The following MED15 variants were observed in gnomAD, a reference collection of about 807,000 sequenced individuals.
The protein encoded by MED15 is mediator of RNA polymerase II transcription subunit 15.
MED15 carries 41 observed loss-of-function variants against 118.7 expected under a neutral mutation model. That is an observed-to-expected ratio of 0.35 (90% CI 0.27 to 0.45). The LOEUF is 0.45. Among genes scored for constraint, MED15 ranks in the 20% least tolerant of loss-of-function variants. The pLI is 1.00. For synonymous variants in MED15, 436 were observed against 413.9 expected, an observed-to-expected ratio of 1.05 and a Z score of -0.65; for missense variants, 740 against 1,025.5, an observed-to-expected ratio of 0.72 and a Z score of 3.80.
At chr22:20,513,468 G>A (rs2054149100) in intron 1 of MED15, among the ~76,000 whole-genome samples, 1 of 151,834 alleles carries the variant, frequency 6.6e-6, no homozygotes, top group Non-Finnish European at 1.5e-5. Context: ...TAGTAGAGAC[G>A]GGGTTTCACC....
intron 2 of MED15, chr22:20,551,225 T>A: frequency 1.4e-6 from 1 of 698,304 alleles, no homozygotes. Flanking sequence ...TGTCCCCTTC[T>A]TGTTTCTTTG....
At position 20,584,978 on chromosome 22, in the gene MED15, G is replaced by A. The variant is rs753171383; in HGVS notation, c.1927G>A (p.Val643Ile). 2 of 1,613,958 alleles carry A rather than the reference G, an allele frequency of 1.2e-6. No homozygotes were observed. The highest frequency in any genetic ancestry group is 1.7e-6 in the Non-Finnish European group (2 of 1,180,020). ...CAACCATTCCCTGTACCGCACATTC[G>A]TTCCAGCCATGACCGCCATTCACGG... ...VFNHSLYRTF[V>I]PAMTAIHGPP... Residue 643 changes from valine (V) to isoleucine (I), a missense_variant, in exon 15 of 18, where the codon GTT (valine) becomes ATT (isoleucine). By Grantham distance (29) the Val-to-Ile change is conservative. This residue lies in a region of MED15 where 179 missense variants were observed against 259.0 expected (regional missense o/e 0.69). Coordinates refer to ENST00000263205, the MANE Select transcript of MED15 (RefSeq NM_001003891.3).
chr22:20,546,537 T>G (rs1478680906), intron 2 of MED15, among the ~76,000 whole-genome samples: 1 of 135,046 alleles, frequency 7.4e-6, no homozygotes, highest in African/African-American at 2.6e-5. Flanking sequence ...CAAGAAAGGT[T>G]TTCTTTCGTC....
intron 1 of MED15, among the ~76,000 whole-genome samples, chr22:20,512,811 C>T (rs901616808): frequency 8.8e-5 from 13 of 147,236 alleles, no homozygotes; most frequent in Non-Finnish European, 1.5e-4. Context: ...GGTGTGATCT[C>T]GGTTCCTTCA....
At position 20,583,174 on chromosome 22, in the gene MED15, G is replaced by A. The variant is rs1254970805; in HGVS notation, c.1599G>A (p.Leu533=). ...GCCAGGCTGAGGAGCAGCAGTACCT[G>A]GACAAGCTGAAGCAGCTGTCGAAGT... ...GSSQAEEQQY[L]DKLKQLSKYI... Residue 533 remains leucine, a synonymous_variant, in exon 12 of 18, where the codon CTG becomes CTA. Transcript: ENST00000263205. 3 of 1,610,764 alleles carry A rather than the reference G, an allele frequency of 1.9e-6. No individual in the cohort carries two copies. The highest frequency in any genetic ancestry group is 2.5e-6 in the Non-Finnish European group (3 of 1,179,044).
intron 1 of MED15, among the ~76,000 whole-genome samples, chr22:20,517,332 T>C (rs1456909618): frequency 6.6e-6 from 1 of 152,228 alleles, no homozygotes; most frequent in African/African-American, 2.4e-5. Flanking sequence ...TGTCTGCACC[T>C]GCCTGCCAGT....
rs2057167038 is a variant in MED15, at chr22:20,587,452, A to C, written c.*748A>C. 1 of 195,196 alleles carries C rather than the reference A, an allele frequency of 5.1e-6. No individual in the cohort carries two copies. Among genetic ancestry groups the C allele is most frequent in the Admixed American group, 5.4e-5 (1 of 18,554 alleles). The allele number at this position is 195,196 out of a possible 1,614,324, so 12.1% of individuals were successfully genotyped here. On this transcript the variant is annotated 3_prime_UTR_variant, in exon 18 of 18. Transcript: ENST00000263205. ...GTCCTCAGAGCACCACACACTGAGC[A>C]CCCAGAGACAGCGGGCCTGGCAGCG...
At chr22:20,542,591 A>G (rs912571880) in intron 2 of MED15, among the ~76,000 whole-genome samples, 2 of 152,218 alleles carry the variant, frequency 1.3e-5, no homozygotes, top group Non-Finnish European at 2.9e-5. Flanking sequence ...CTCTGGGTCC[A>G]TGGCTCTGAC....
Position 20,551,478 on chromosome 22 carries a change from C to T in MED15, c.199C>T (p.Arg67Ter). ...CGTGGCCAGGCTCATTATCCATTTTCGAGACATTCGTAAGTAAGATTTTGC... is the reference window on the plus strand; with the variant it reads ...CGTGGCCAGGCTCATTATCCATTTTTGAGACATTCGTAAGTAAGATTTTGC... ...SLVARLIIHF[R>*]DIHNKKSQAS... The change falls in exon 3 of 18, where the codon CGA (arginine) becomes TGA (stop). Residue 67 changes from arginine (R) to a stop codon, truncating the protein, a stop_gained. Coordinates refer to ENST00000263205, the MANE Select transcript of MED15 (RefSeq NM_001003891.3). LOFTEE classifies it high-confidence loss of function. 1 of 1,614,024 alleles carries T rather than the reference C, an allele frequency of 6.2e-7. No individual in the cohort carries two copies. The highest frequency in any genetic ancestry group is 8.5e-7 in the Non-Finnish European group (1 of 1,179,882).
At chr22:20,569,536 G>A (rs1214459264) in intron 8 of MED15, among the ~76,000 whole-genome samples, 2 of 152,204 alleles carry the variant, frequency 1.3e-5, no homozygotes, top group Non-Finnish European at 2.9e-5. Flanking sequence ...GCGCCTGGGT[G>A]CACAGTGCCT....
At chr22:20,523,659 G>A (rs1601467834) in intron 1 of MED15, 3 of 985,278 alleles carry the variant, frequency 3.0e-6, no homozygotes, top group Admixed American at 6.2e-5. Context: ...TTGCCTGGTG[G>A]TGAATGGGAC....
chr22:20,555,796 A>G (rs2055977836), intron 5 of MED15, among the ~76,000 whole-genome samples: 1 of 152,230 alleles, frequency 6.6e-6, no homozygotes, highest in African/African-American at 2.4e-5. Context: ...ATCACGGCTC[A>G]CTGCAGCCTG....
intron 16 of MED15, 187 bp downstream of exon 16, chr22:20,585,454 G>A: frequency 1.3e-6 from 1 of 798,166 alleles, no homozygotes; most frequent in Non-Finnish European, 2.0e-6. Flanking sequence ...AGTCCCCACT[G>A]CCAGAGCCCG....
At chr22:20,528,112 C>T (rs1297005096) in intron 1 of MED15, among the ~76,000 whole-genome samples, 1 of 152,146 alleles carries the variant, frequency 6.6e-6, no homozygotes, top group Non-Finnish European at 1.5e-5. Context: ...CGCTAAATTA[C>T]TCTTTTCTTG....
At chr22:20,568,041 G>C (rs1427493514) in intron 7 of MED15, among the ~76,000 whole-genome samples, 1 of 152,194 alleles carries the variant, frequency 6.6e-6, no homozygotes, top group Non-Finnish European at 1.5e-5. Flanking sequence ...GGGTTTGGCC[G>C]TGTTGCCCAG....
intron 13 of MED15, 195 bp from the exon 14 acceptor site, chr22:20,584,164 T>G (rs2057068121): frequency 6.5e-6 from 4 of 612,532 alleles, no homozygotes; most frequent in Non-Finnish European, 1.2e-5. Flanking sequence ...CACCTCACTC[T>G]GCCAACCAGG....
intron 2 of MED15, among the ~76,000 whole-genome samples, chr22:20,547,720 T>G (rs951008075): frequency 6.6e-6 from 1 of 152,172 alleles, no homozygotes; most frequent in Non-Finnish European, 1.5e-5. Flanking sequence ...CTTGGGAGGC[T>G]GAGGCAGGAG....
At chr22:20,556,446 G>A (rs1034474261) in intron 5 of MED15, among the ~76,000 whole-genome samples, 4 of 151,912 alleles carry the variant, frequency 2.6e-5, no homozygotes, top group African/African-American at 4.8e-5. Flanking sequence ...GACTACAGGC[G>A]CCTGCCACCA....
intron 4 of MED15, 53 bp downstream of exon 4, chr22:20,553,227 G>A: frequency 6.4e-7 from 1 of 1,561,332 alleles, no homozygotes; most frequent in East Asian, 2.2e-5. Context: ...GATTTGAGGT[G>A]GCAAGAATGA....
Sources: gnomAD v4.1 joint callset for allele counts (sites outside exome capture counted in the v4.1 genomes callset) on GRCh38, gnomAD v4.1.1 for gene constraint, gnomAD v4.1.1 regional missense constraint, MANE v1.5 for transcripts, NCBI Gene and HGNC (gene_info 2026-07-23, HGNC 2026-07-21) for gene names.